SPHKAP: variants seen among roughly 807,000 people sequenced by gnomAD.
SPHKAP encodes the protein A-kinase anchor protein SPHKAP.
In SPHKAP, 67 loss-of-function variants were observed where a neutral mutation model predicts 137.5. The observed-to-expected ratio is 0.49, with a 90% CI of 0.40 to 0.60. The LOEUF is 0.60. Ranked by LOEUF, SPHKAP falls within the 20% of genes least tolerant of loss-of-function variation. The pLI is 0.00. For synonymous variants in SPHKAP, 813 were observed against 785.3 expected, an observed-to-expected ratio of 1.04 and a Z score of -0.59; for missense variants, 2,097 against 2,069.3, an observed-to-expected ratio of 1.01 and a Z score of -0.26.
At chr2:228,154,506 CTCTCTCTATATATATA>C (rs1700039902) in intron 1 of SPHKAP, among the ~76,000 whole-genome samples, 1 of 29,904 alleles carries the variant, frequency 3.3e-5, no homozygotes, top group Non-Finnish European at 6.2e-5. Flanking sequence ...CTCTCTCTCT[CTCTCTCTATATATATA>C]TATATATATA....
intron 9 of SPHKAP, among the ~76,000 whole-genome samples, chr2:227,992,126 C>G (rs1693435235): frequency 6.6e-6 from 1 of 152,040 alleles, no homozygotes; most frequent in South Asian, 2.1e-4. Context: ...TCCTGGGAAG[C>G]CTGTGGTTGT....
At chr2:228,058,728 AAG>A (rs1391197570) in intron 3 of SPHKAP, among the ~76,000 whole-genome samples, 2 of 152,236 alleles carry the variant, frequency 1.3e-5, no homozygotes, top group African/African-American at 4.8e-5. Flanking sequence ...CAACAAATAG[AAG>A]AGTCTTTTAA....
chr2:228,003,759 GT>G, intron 7 of SPHKAP, among the ~76,000 whole-genome samples: 1 of 152,280 alleles, frequency 6.6e-6, no homozygotes, highest in Middle Eastern at 3.4e-3. Context: ...TTTATTGAGA[GT>G]TTTTAGCATG....
In SPHKAP at chr2:228,017,935, G is replaced by A. The variant is rs369849755; in HGVS notation, c.2919C>T (p.Asn973=). The A allele has an allele frequency of 3.3e-5, 54 of 1,614,006 alleles. No individual in the cohort carries two copies. The highest frequency in any genetic ancestry group is 8.9e-5 in the East Asian group (4 of 44,874). The change falls in exon 7 of 12, where the codon AAC becomes AAT. Residue 973 remains asparagine, a synonymous_variant. Transcript: ENST00000392056. ...TCCTCTTCAAGGATCGGCAGGGTAC[G>A]TTGGGTGTCATCAGAAACTCACTCC... ...KRGSEFLMTP[N]VPCRSLKRKK...
intron 2 of SPHKAP, among the ~76,000 whole-genome samples, chr2:228,111,962 A>T (rs1698531218): frequency 6.6e-6 from 1 of 152,134 alleles, no homozygotes; most frequent in East Asian, 1.9e-4. Context: ...CATTAATGAA[A>T]TTCTGAGGTG....
At chr2:228,133,992 A>C (rs1486506403) in intron 1 of SPHKAP, among the ~76,000 whole-genome samples, 1 of 152,100 alleles carries the variant, frequency 6.6e-6, no homozygotes, top group Non-Finnish European at 1.5e-5. Flanking sequence ...ATGAAAGGAT[A>C]ACACCCATAT....
intron 3 of SPHKAP, among the ~76,000 whole-genome samples, chr2:228,104,275 T>TTA (rs1553540948): frequency 3.1e-5 from 4 of 130,112 alleles, no homozygotes; most frequent in East Asian, 2.2e-4. Context: ...ATATTATATA[T>TTA]TATATATCAT....
In SPHKAP at chr2:228,071,178, C is replaced by T. The variant is rs191479160; in HGVS notation, c.246+37654G>A. ...GTATGGGTAGTCCTGGTCAGAAATT[C>T]GACTGCACTTGCAGAAAACAGTAGT... On this transcript the variant is annotated intron_variant, in intron 3 of 11. Transcript: ENST00000392056. 7.2e-5 allele frequency among the ~76,000 whole-genome samples: 11 copies of T among 152,290 alleles called. No individual in the cohort carries two copies. The South Asian group carries it at 1.0e-3, about 14-fold the overall frequency.
intron 2 of SPHKAP, 122 bp downstream of exon 2, chr2:228,131,858 G>T (rs925508878): frequency 5.0e-6 from 7 of 1,407,452 alleles, no homozygotes; most frequent in Non-Finnish European, 5.7e-6. Context: ...AAAGCAAACC[G>T]TGAGCCATTT....
At chr2:228,135,673 T>C (rs1699416929) in intron 1 of SPHKAP, among the ~76,000 whole-genome samples, 1 of 152,218 alleles carries the variant, frequency 6.6e-6, no homozygotes, top group Non-Finnish European at 1.5e-5. Flanking sequence ...GCTGATGCCA[T>C]TTGTTCTAAT....
chr2:228,127,082 G>A (rs1485777437), intron 2 of SPHKAP, among the ~76,000 whole-genome samples: 2 of 152,186 alleles, frequency 1.3e-5, no homozygotes, highest in Non-Finnish European at 2.9e-5. Context: ...GGGAATTGCC[G>A]ACAGATTTCA....
chr2:228,094,642 T>A (rs1332566772), intron 3 of SPHKAP, among the ~76,000 whole-genome samples: 1 of 152,132 alleles, frequency 6.6e-6, no homozygotes, highest in Non-Finnish European at 1.5e-5. Context: ...AAAATTAGGA[T>A]GAAGATGGTG....
chr2:228,160,309 C>T (rs1413002731), intron 1 of SPHKAP, among the ~76,000 whole-genome samples: 1 of 151,960 alleles, frequency 6.6e-6, no homozygotes, highest in Admixed American at 6.6e-5. Context: ...TTTTATATAC[C>T]AATTGTATTA....
At chr2:228,107,209 G>T (rs1698370041) in intron 3 of SPHKAP, among the ~76,000 whole-genome samples, 1 of 151,858 alleles carries the variant, frequency 6.6e-6, no homozygotes, top group Non-Finnish European at 1.5e-5. Context: ...ATTAAATTTT[G>T]TATCCTTTGA....
At chr2:228,055,138 A>T (rs13031510) in intron 3 of SPHKAP, among the ~76,000 whole-genome samples, 1 of 78,672 alleles carries the variant, frequency 1.3e-5, no homozygotes. Context: ...GTGAAACTCC[A>T]CTCCAAAAAA....
Position 228,181,492 on chromosome 2 carries a change from A to T in SPHKAP, c.32+75T>A, listed in dbSNP as rs551517370. 1 of 1,608,812 alleles carries T rather than the reference A, an allele frequency of 6.2e-7. No individual in the cohort carries two copies. Among genetic ancestry groups the T allele is most frequent in the East Asian group, 2.2e-5 (1 of 44,812 alleles). Reference sequence around the variant, plus strand: ...GTGCAAACCGAAGCGCTCTGGGGCAAGTTGGTGAGCGACTCACAACGCGGA... The same window carrying T: ...GTGCAAACCGAAGCGCTCTGGGGCATGTTGGTGAGCGACTCACAACGCGGA... On this transcript the variant is annotated intron_variant, in intron 1 of 11. Transcript: ENST00000392056. The surrounding 1 kb of genome is among the most constrained non-coding windows in gnomAD (Gnocchi z 4.3).
chr2:228,106,317 G>T (rs892810406), intron 3 of SPHKAP, among the ~76,000 whole-genome samples: 10 of 152,096 alleles, frequency 6.6e-5, no homozygotes, highest in Non-Finnish European at 1.5e-4. Context: ...ATCACAACTG[G>T]ATATGAAAAC....
At position 228,018,825 on chromosome 2, in the gene SPHKAP, T is replaced by G. The variant is rs1180183872; in HGVS notation, c.2029A>C (p.Arg677=). ...TGGTGAACTTCATCAATGGAATGCC[T>G]CAGGATAACATTGGACAGGGTATGT... ...LAHTLSNVIL[R]HSIDEVHHKN... The change falls in exon 7 of 12, where the codon AGG becomes CGG. Residue 677 remains arginine, a synonymous_variant. Transcript: ENST00000392056. The G allele has an allele frequency of 6.2e-7, 1 of 1,614,248 alleles. No homozygotes were observed. The highest frequency in any genetic ancestry group is 1.1e-5 in the South Asian group (1 of 91,088).
intron 2 of SPHKAP, among the ~76,000 whole-genome samples, chr2:228,119,472 C>CACACACACACACACACACAA (rs1698839436): frequency 7.3e-6 from 1 of 137,194 alleles, no homozygotes; most frequent in African/African-American, 3.3e-5. Flanking sequence ...CACACACACA[C>CACACACACACACACACACAA]TCTCTCTCTC....
Sources: gnomAD v4.1 joint callset for allele counts (sites outside exome capture counted in the v4.1 genomes callset) on GRCh38, gnomAD v4.1.1 for gene constraint, Gnocchi (gnomAD v3.1) non-coding constraint, MANE v1.5 for transcripts, NCBI Gene and HGNC (gene_info 2026-07-23, HGNC 2026-07-21) for gene names.